EXOC6: variants seen among roughly 807,000 people sequenced by gnomAD.
EXOC6 encodes SEC15-like 1.
In EXOC6, 60 loss-of-function variants were observed where a neutral mutation model predicts 112.5. That is an observed-to-expected ratio of 0.53 (90% CI 0.43 to 0.66). The LOEUF (loss-of-function observed/expected upper bound fraction) is 0.66. Among genes scored for constraint, EXOC6 ranks in the 30% least tolerant of loss-of-function variants. The pLI is 0.00. For synonymous variants in EXOC6, 295 were observed against 308.0 expected (o/e 0.96, Z 0.44); for missense variants, 855 against 957.1 (o/e 0.89, Z 1.41).
intron 9 of EXOC6, among the ~76,000 whole-genome samples, chr10:92,930,546 C>T (rs1189906276): frequency 1.3e-5 from 2 of 151,016 alleles, no homozygotes; most frequent in East Asian, 3.9e-4. Flanking sequence ...AGCTTGAAAT[C>T]ATACAAAGTC....
chr10:92,987,223 G>T (rs1843043351), intron 18 of EXOC6, among the ~76,000 whole-genome samples: 2 of 152,172 alleles, frequency 1.3e-5, no homozygotes, highest in South Asian at 4.1e-4. Context: ...TTAACAAGCT[G>T]CATTTGTTGC....
intron 20 of EXOC6, among the ~76,000 whole-genome samples, chr10:93,026,131 A>G (rs1323440984): frequency 2.6e-5 from 4 of 152,170 alleles, no homozygotes. Context: ...TAATTTATGT[A>G]TATGTTCTGC....
intron 18 of EXOC6, among the ~76,000 whole-genome samples, chr10:92,986,349 G>C (rs564374955): frequency 4.6e-5 from 7 of 152,156 alleles, no homozygotes; most frequent in African/African-American, 1.7e-4. Context: ...AAATTTATTC[G>C]AAGTTAATCT....
intron 12 of EXOC6, among the ~76,000 whole-genome samples, chr10:92,939,899 A>G (rs1462869893): frequency 6.6e-6 from 1 of 152,120 alleles, no homozygotes; most frequent in Non-Finnish European, 1.5e-5. Flanking sequence ...GTTTAAATAA[A>G]GGAATAGAAG....
chr10:92,919,374 GTT>G (rs1467451488), intron 7 of EXOC6, among the ~76,000 whole-genome samples: 3 of 152,134 alleles, frequency 2.0e-5, no homozygotes, highest in Non-Finnish European at 2.9e-5. Flanking sequence ...TTTAAAAAGG[GTT>G]TATGTATTTC....
At chr10:92,969,783 T>C (rs1413834408) in intron 17 of EXOC6, among the ~76,000 whole-genome samples, 1 of 152,154 alleles carries the variant, frequency 6.6e-6, no homozygotes, top group African/African-American at 2.4e-5. Context: ...AACCTCTGCC[T>C]TCCGGGTTCA....
chr10:92,985,196 C>G (rs1842957181), intron 18 of EXOC6, among the ~76,000 whole-genome samples: 1 of 152,056 alleles, frequency 6.6e-6, no homozygotes, highest in South Asian at 2.1e-4. Context: ...TGCCTGTGCT[C>G]TCTGGCCCTC....
At chr10:92,974,673 C>A (rs961391313) in intron 18 of EXOC6, among the ~76,000 whole-genome samples, 1 of 151,872 alleles carries the variant, frequency 6.6e-6, no homozygotes, top group Non-Finnish European at 1.5e-5. Context: ...CTGCCTGATT[C>A]TCCTGCCTCA....
In EXOC6 at chr10:92,870,123, TG is replaced by T. The variant is rs1466037216; in HGVS notation, c.101+21490del. Among the ~76,000 whole-genome samples the T allele has an allele frequency of 5.3e-5, 8 of 152,106 alleles. No individual in the cohort carries two copies. The South Asian group carries it at 1.7e-3, about 32-fold the overall frequency. On this transcript the variant is annotated intron_variant, in intron 1 of 21. Transcript: ENST00000260762. ...CCCACCACCACGCCTGGCTAATTTT[TG>T]TATTTTTTTAGTAGAGACAGGGTTT...
At chr10:92,965,992 C>T in intron 17 of EXOC6, among the ~76,000 whole-genome samples, 1 of 151,960 alleles carries the variant, frequency 6.6e-6, no homozygotes, top group Non-Finnish European at 1.5e-5. Flanking sequence ...CTATTATAGC[C>T]CGTGGAAAGC....
At chr10:93,005,981 G>A (rs1047334053) in intron 19 of EXOC6, among the ~76,000 whole-genome samples, 6 of 151,966 alleles carry the variant, frequency 3.9e-5, no homozygotes, top group Non-Finnish European at 7.4e-5. Flanking sequence ...GCAAAATAGG[G>A]AGATTTCATC....
intron 4 of EXOC6, among the ~76,000 whole-genome samples, chr10:92,898,667 TTACAA>T (rs1849970471): frequency 6.6e-6 from 1 of 151,986 alleles, no homozygotes; most frequent in Non-Finnish European, 1.5e-5. Flanking sequence ...AAAAATTACA[TTACAA>T]TATAGAGGCT....
intron 1 of EXOC6, among the ~76,000 whole-genome samples, chr10:92,874,025 C>A (rs767461194): frequency 6.6e-6 from 1 of 150,878 alleles, no homozygotes; most frequent in Admixed American, 6.6e-5. Flanking sequence ...TGCACTTCAG[C>A]CTAGGCGACA....
intron 17 of EXOC6, among the ~76,000 whole-genome samples, chr10:92,971,324 G>A (rs568555935): frequency 5.3e-5 from 8 of 151,372 alleles, no homozygotes; most frequent in African/African-American, 4.9e-5. Context: ...GATTACAGGC[G>A]TGAGGCACCA....
rs144679735 is a variant in EXOC6, at chr10:92,985,214, G to T, written c.1953+10982G>T. Among the ~76,000 whole-genome samples, 122 of 152,034 alleles carry T rather than the reference G, an allele frequency of 8.0e-4. 1 individual carries two copies. The highest frequency in any genetic ancestry group is 2.8e-3 in the African/African-American group (118 of 41,476). Reference sequence around the variant, plus strand: ...CTGTGCTCTCTGGCCCTCTGGGTGGGGGATCATTGGTACAATTGTTTCAGA... The same window carrying T: ...CTGTGCTCTCTGGCCCTCTGGGTGGTGGATCATTGGTACAATTGTTTCAGA... On this transcript the variant is annotated intron_variant, in intron 18 of 21. Transcript: ENST00000260762.
chr10:92,888,239 A>G lies in EXOC6; in HGVS notation c.102-5110A>G, dbSNP rs184815313. Among the ~76,000 whole-genome samples, 41 of 152,332 alleles carry G rather than the reference A, an allele frequency of 2.7e-4. No homozygotes were observed. In the East Asian group the frequency reaches 7.3e-3, roughly 27 times the overall value. ...GGGTGGGTATTGCATATATTCTAAA[A>G]AAAAATATTGTTTTTCTCCATTATA... On this transcript the variant is annotated intron_variant, in intron 1 of 21. Coordinates refer to ENST00000260762, the MANE Select transcript of EXOC6 (RefSeq NM_019053.6).
chr10:92,982,722 T>G (rs1842870226), intron 18 of EXOC6, among the ~76,000 whole-genome samples: 1 of 152,228 alleles, frequency 6.6e-6, no homozygotes, highest in Non-Finnish European at 1.5e-5. Context: ...CAGCATCTTC[T>G]TCTCCATCTG....
chr10:92,951,476 A>G (rs1372998619), intron 14 of EXOC6, among the ~76,000 whole-genome samples: 2 of 152,178 alleles, frequency 1.3e-5, no homozygotes, highest in African/African-American at 2.4e-5. Flanking sequence ...AGATTTTTCA[A>G]AAAAGTCAGG....
At chr10:92,860,265 C>CTTTT (rs35900396) in intron 1 of EXOC6, among the ~76,000 whole-genome samples, 36 of 88,016 alleles carry the variant, frequency 4.1e-4, no homozygotes, top group East Asian at 1.5e-3. Context: ...ATCTCCACAA[C>CTTTT]TTTTTTTTTT....
Sources: gnomAD v4.1 joint callset for allele counts (sites outside exome capture counted in the v4.1 genomes callset) on GRCh38, gnomAD v4.1.1 for gene constraint, MANE v1.5 for transcripts, NCBI Gene and HGNC (gene_info 2026-07-23, HGNC 2026-07-21) for gene names.